EML1: variants seen among roughly 807,000 people sequenced by gnomAD.
The protein encoded by EML1 is EMAP like 1.
A neutral mutation model predicts 110.4 loss-of-function variants in EML1; 27 were observed. That is an observed-to-expected ratio of 0.24 (90% CI 0.18 to 0.34). The LOEUF is 0.34. EML1 is among the 10% of genes least tolerant of loss of function. The probability of loss-of-function intolerance (pLI) is 1.00; values close to 1 mark genes in which losing one functional copy is unlikely to be tolerated. For missense variants in EML1, 741 were observed against 1,030.9 expected, an observed-to-expected ratio of 0.72 and a Z score of 3.85; for synonymous variants, 344 against 385.8, an observed-to-expected ratio of 0.89 and a Z score of 1.27.
intron 1 of EML1, among the ~76,000 whole-genome samples, chr14:99,742,169 G>C (rs2057050991): frequency 6.6e-6 from 1 of 152,328 alleles, no homozygotes; most frequent in African/African-American, 2.4e-5. Context: ...TCTCTCTGAG[G>C]GTCCAAGCCA....
At chr14:99,804,426 T>G (rs2057935141) in intron 1 of EML1, among the ~76,000 whole-genome samples, 1 of 152,176 alleles carries the variant, frequency 6.6e-6, no homozygotes, top group Non-Finnish European at 1.5e-5. Context: ...CACAACACCC[T>G]TTTGAAGTGG....
intron 1 of EML1, among the ~76,000 whole-genome samples, chr14:99,825,560 T>G (rs2058338418): frequency 6.6e-6 from 1 of 152,212 alleles, no homozygotes. Flanking sequence ...TTGTCTTCTC[T>G]GTCCCAGGCC....
chr14:99,872,466 T>C (rs2059222375), intron 3 of EML1, among the ~76,000 whole-genome samples: 2 of 152,218 alleles, frequency 1.3e-5, no homozygotes, highest in East Asian at 1.9e-4. Flanking sequence ...CCTTATAATT[T>C]ACAGAATATC....
chr14:99,932,902 G>A (rs1028410365), intron 17 of EML1, among the ~76,000 whole-genome samples: 1 of 152,046 alleles, frequency 6.6e-6, no homozygotes, highest in Non-Finnish European at 1.5e-5. Flanking sequence ...TTTTGCTTGA[G>A]CACAGGAGTT....
rs1335669600 is a variant in EML1 at position 99,927,793 on chromosome 14, TTGGTGGTGGGGGGGGTGGGGGGG to T, written c.1909+6926_1909+6948del. Among the ~76,000 whole-genome samples, 128 of 22,912 alleles carry T rather than the reference TTGGTGGTGGGGGGGGTGGGGGGG, an allele frequency of 5.6e-3. 8 individuals are homozygous for T. The highest frequency in any genetic ancestry group is 0.028 in the African/African-American group (119 of 4,262). 15.0% of individuals were successfully genotyped at this position (22,912 alleles called of 152,430 possible). A position where few individuals can be genotyped will look rare whatever the true frequency, so the allele number is the denominator to read the frequency against. ...AGTGGTGGTGGTAGTGGTGGTGGTA[TTGGTGGTGGGGGGGGTGGGGGGG>T]TGGTGGTGGTGGTGGTATTGGTGGT... On this transcript the variant is annotated intron_variant, in intron 17 of 21. Coordinates refer to ENST00000262233, the MANE Select transcript of EML1 (RefSeq NM_004434.3).
At chr14:99,926,622 A>G (rs887760703) in intron 17 of EML1, among the ~76,000 whole-genome samples, 2 of 151,904 alleles carry the variant, frequency 1.3e-5, no homozygotes, top group African/African-American at 2.4e-5. Flanking sequence ...TTATTGTTAG[A>G]GATGAGGTCT....
intron 6 of EML1, among the ~76,000 whole-genome samples, chr14:99,896,330 A>G (rs2059670556): frequency 6.6e-6 from 1 of 150,660 alleles, no homozygotes; most frequent in African/African-American, 2.4e-5. Flanking sequence ...TAAAATTACC[A>G]CCTGTACCTA....
rs547746983 is a variant in EML1 at position 99,914,633 on chromosome 14, A to C, written c.1688A>C (p.His563Pro). The C allele has an allele frequency of 3.7e-6, 6 of 1,612,978 alleles. No homozygotes were observed. Among genetic ancestry groups the C allele is most frequent in the Non-Finnish European group, 8.5e-7 (1 of 1,179,840 alleles). Reference sequence around the variant, plus strand: ...AAATCTCAGTTCTTGACCTGTGGGCATGACAAGCATGCCACTCTCTGGGAC... The same window carrying C: ...AAATCTCAGTTCTTGACCTGTGGGCCTGACAAGCATGCCACTCTCTGGGAC... ...ASKSQFLTCG[H>P]DKHATLWDAV... The change falls in exon 15 of 22, where the codon CAT becomes CCT. Residue 563 changes from histidine to proline, a missense_variant. Transcript: ENST00000262233.
chr14:99,877,634 C>T (rs551558566), intron 3 of EML1, among the ~76,000 whole-genome samples: 4 of 152,332 alleles, frequency 2.6e-5, no homozygotes, highest in African/African-American at 7.2e-5. Flanking sequence ...ATGGACACCA[C>T]CTCCAAACAA....
At chr14:99,878,741 CCTT>C in intron 4 of EML1, 122 bp downstream of exon 4, 6 of 1,360,564 alleles carry the variant, frequency 4.4e-6, no homozygotes, top group South Asian at 3.0e-5. Flanking sequence ...GAGAAGAAGA[CCTT>C]CTCCTCAGGT....
At chr14:99,909,540 A>C (rs2059911969) in intron 11 of EML1, 61 bp downstream of exon 11, 2 of 1,602,718 alleles carry the variant, frequency 1.2e-6, no homozygotes, top group Non-Finnish European at 1.7e-6. Flanking sequence ...GGCTAGATGC[A>C]TCTCTCTGGG....
intron 2 of EML1, among the ~76,000 whole-genome samples, chr14:99,863,794 T>G (rs140653401): frequency 6.6e-6 from 1 of 152,366 alleles, no homozygotes; most frequent in African/African-American, 2.4e-5. Context: ...CTCTAAATAT[T>G]TACATGCGGG....
chr14:99,814,193 T>C (rs539417808), intron 1 of EML1, among the ~76,000 whole-genome samples: 137 of 152,312 alleles, frequency 9.0e-4, no homozygotes, highest in South Asian at 2.5e-3. Context: ...CCTCGGAAGA[T>C]TCAGGACTAG....
At position 99,907,598 on chromosome 14, in the gene EML1, T is replaced by C. The variant is rs539541057; in HGVS notation, c.1009-40T>C. On this transcript the variant is annotated intron_variant, in intron 9 of 21. Transcript: ENST00000262233. ...TTTTAATCATGTTCAACCCACTTTA[T>C]TCTCAGATATAGTCTTCCTGTGAAT... 4.4e-5 allele frequency: 69 copies of C among 1,566,006 alleles called. 3 individuals are homozygous for C. The South Asian group carries it at 6.4e-4, about 15-fold the overall frequency.
chr14:99,829,709 C>T (rs1385244496), intron 1 of EML1, among the ~76,000 whole-genome samples: 5 of 152,190 alleles, frequency 3.3e-5, no homozygotes, highest in African/African-American at 1.2e-4. Flanking sequence ...TCTCACCTTA[C>T]TCTGTAGTAG....
intron 4 of EML1, among the ~76,000 whole-genome samples, chr14:99,882,152 G>T (rs944206832): frequency 6.6e-6 from 1 of 152,048 alleles, no homozygotes; most frequent in Non-Finnish European, 1.5e-5. Context: ...ATAAATGAAC[G>T]TTAATAATTA....
In EML1 at chr14:99,784,312, C is replaced by G. The variant is rs536108115; in HGVS notation, c.-27+10299C>G. Among the ~76,000 whole-genome samples, 2 of 152,316 alleles carry G rather than the reference C, an allele frequency of 1.3e-5. No homozygotes were observed. Among genetic ancestry groups the G allele is most frequent in the Admixed American group, 6.5e-5 (1 of 15,296 alleles). On this transcript the variant is annotated intron_variant, in intron 1 of 22. Transcript: ENST00000327921. This position sits in a 1 kb window ranked among gnomAD's most constrained non-coding sequence, Gnocchi z 4.5. ...TTCACCATGTTGCCCAGGCTGGTCT[C>G]AAACTCCTGGACTCAAGGGATCTGC...
chr14:99,932,899 TGAGCACAGGAGTTCGA>T (rs752921284), intron 17 of EML1, among the ~76,000 whole-genome samples: 2 of 152,084 alleles, frequency 1.3e-5, no homozygotes, highest in Non-Finnish European at 1.5e-5. Context: ...ATGTTTTGCT[TGAGCACAGGAGTTCGA>T]GACCAGCTTG....
chr14:99,885,927 G>A (rs1039370638), intron 4 of EML1: 4 of 454,358 alleles, frequency 8.8e-6, no homozygotes, highest in Admixed American at 2.4e-5. Context: ...CCTAGAACAC[G>A]GATCCAGCTG....
Sources: gnomAD v4.1 joint callset for allele counts (sites outside exome capture counted in the v4.1 genomes callset) on GRCh38, gnomAD v4.1.1 for gene constraint, Gnocchi (gnomAD v3.1) non-coding constraint, MANE v1.5 for transcripts, NCBI Gene and HGNC (gene_info 2026-07-23, HGNC 2026-07-21) for gene names.